NIPBL: variants seen among roughly 807,000 people sequenced by gnomAD.
NIPBL encodes NIPBL cohesin loading factor.
A neutral mutation model predicts 321.8 loss-of-function variants in NIPBL; 19 were observed. The ratio of observed to expected loss-of-function variants is 0.06; its 90% CI spans 0.04 to 0.09. NIPBL has a LOEUF of 0.09. Among genes scored for constraint, NIPBL ranks in the 10% least tolerant of loss-of-function variants. The probability of loss-of-function intolerance (pLI) is 1.00; values close to 1 mark genes in which losing one functional copy is unlikely to be tolerated. For missense variants in NIPBL, 2,210 were observed against 3,327.0 expected, an observed-to-expected ratio of 0.66 and a Z score of 8.26; for synonymous variants, 1,106 against 1,114.1, an observed-to-expected ratio of 0.99 and a Z score of 0.14.
chr5:37,013,963 C>T (rs1254213755), intron 21 of NIPBL, among the ~76,000 whole-genome samples: 3 of 152,228 alleles, frequency 2.0e-5, no homozygotes, highest in South Asian at 2.1e-4. Context: ...CCCAGCACCT[C>T]GGGAGGCCGA....
At chr5:37,044,601 T>C in intron 35 of NIPBL, 35 bp from the exon 36 acceptor site, 1 of 1,590,334 alleles carries the variant, frequency 6.3e-7, no homozygotes. Context: ...TAGTATATTT[T>C]TAACTTTTAT....
At chr5:36,930,739 T>C (rs1749715689) in intron 1 of NIPBL, among the ~76,000 whole-genome samples, 1 of 152,148 alleles carries the variant, frequency 6.6e-6, no homozygotes, top group African/African-American at 2.4e-5. Context: ...TTGAGAGTTT[T>C]AAAAAATAGT....
At chr5:36,989,216 G>GT (rs932131120) in intron 10 of NIPBL, among the ~76,000 whole-genome samples, 2 of 151,974 alleles carry the variant, frequency 1.3e-5, no homozygotes, top group Non-Finnish European at 2.9e-5. Context: ...CAACTACCTA[G>GT]TTTTTTTGTT....
rs746350297 is a variant in NIPBL at position 37,000,799 on chromosome 5, T to A, written c.3503-18T>A. ...GTTGTCAGTCCTGCATTTCAGTACT[T>A]CTTTTTGTTCGTTTTAGTTGCTAGG... On this transcript the variant is annotated intron_variant, in intron 12 of 46. Transcript: ENST00000282516. 4 of 1,594,016 alleles carry A rather than the reference T, an allele frequency of 2.5e-6. No individual in the cohort carries two copies. The highest frequency in any genetic ancestry group is 1.1e-5 in the South Asian group (1 of 90,460).
intron 1 of NIPBL, among the ~76,000 whole-genome samples, chr5:36,935,940 A>G (rs1738371481): frequency 6.6e-6 from 1 of 152,092 alleles, no homozygotes; most frequent in Non-Finnish European, 1.5e-5. Flanking sequence ...GATGTGTGTC[A>G]TTAGATTTAG....
chr5:36,912,936 A>G (rs1423000534), intron 1 of NIPBL, among the ~76,000 whole-genome samples: 4 of 152,138 alleles, frequency 2.6e-5, no homozygotes, highest in African/African-American at 4.8e-5. Flanking sequence ...TCATGAGGGG[A>G]AAAAAATCAA....
At chr5:36,952,525 G>C (rs966418594) in intron 1 of NIPBL, among the ~76,000 whole-genome samples, 2 of 152,104 alleles carry the variant, frequency 1.3e-5, no homozygotes, top group Non-Finnish European at 2.9e-5. Flanking sequence ...ACCAAGTACT[G>C]TTAAAGGAAA....
chr5:36,989,355 A>G (rs1745206270), intron 10 of NIPBL, among the ~76,000 whole-genome samples: 1 of 151,978 alleles, frequency 6.6e-6, no homozygotes, highest in Non-Finnish European at 1.5e-5. Flanking sequence ...TCTTTCCATC[A>G]CCATGTTTAT....
chr5:36,908,061 G>A (rs1018397828), intron 1 of NIPBL, among the ~76,000 whole-genome samples: 5 of 152,150 alleles, frequency 3.3e-5, no homozygotes, highest in Admixed American at 1.3e-4. Context: ...ATTTCTGGTA[G>A]TAGTATGCAT....
chr5:37,030,760 CTTT>C (rs1196942104), intron 32 of NIPBL, among the ~76,000 whole-genome samples: 1 of 144,572 alleles, frequency 6.9e-6, no homozygotes, highest in African/African-American at 2.5e-5. Context: ...GTTAGTATAT[CTTT>C]TTTTTTTTGG....
chr5:36,965,066 T>C (rs771732016), intron 6 of NIPBL, among the ~76,000 whole-genome samples: 28 of 152,174 alleles, frequency 1.8e-4, no homozygotes, highest in Non-Finnish European at 3.8e-4. Flanking sequence ...GGAATCCTCA[T>C]ATACTGTTGG....
chr5:37,063,050 A>G (rs1754942234), intron 45 of NIPBL, among the ~76,000 whole-genome samples: 1 of 152,216 alleles, frequency 6.6e-6, no homozygotes, highest in African/African-American at 2.4e-5. Context: ...ATAAAGTTTT[A>G]TATTTTAATC....
chr5:36,878,219 GTTC>G (rs1257916069), intron 1 of NIPBL, among the ~76,000 whole-genome samples: 3 of 152,198 alleles, frequency 2.0e-5, no homozygotes, highest in Non-Finnish European at 2.9e-5. Flanking sequence ...TGTCAGGGCA[GTTC>G]TTCTTGAGGT....
intron 33 of NIPBL, 38 bp downstream of exon 33, chr5:37,036,525 T>G: frequency 3.5e-6 from 3 of 859,110 alleles, no homozygotes; most frequent in Non-Finnish European, 5.1e-6. Context: ...TTTAGTTGAT[T>G]TTATAAGATA....
chr5:37,013,159 CAGG>C (rs1748406423), intron 21 of NIPBL, among the ~76,000 whole-genome samples: 1 of 148,224 alleles, frequency 6.7e-6, no homozygotes, highest in Admixed American at 6.6e-5. Flanking sequence ...GGCGGCTGGC[CAGG>C]CGGGGGGCTG....
At chr5:36,975,600 CTG>C (rs890713378) in intron 8 of NIPBL, among the ~76,000 whole-genome samples, 174 bp from the exon 9 acceptor site, 6 of 152,254 alleles carry the variant, frequency 3.9e-5, no homozygotes, top group African/African-American at 1.2e-4. Context: ...AGCTAAACAA[CTG>C]TGTGGGACAA....
intron 6 of NIPBL, among the ~76,000 whole-genome samples, chr5:36,968,830 A>C (rs1194952901): frequency 6.6e-6 from 1 of 152,238 alleles, no homozygotes; most frequent in African/African-American, 2.4e-5. Flanking sequence ...CAGCCAATAC[A>C]GGAAGATAAG....
chr5:37,058,753 A>T, intron 43 of NIPBL, 138 bp from the exon 44 acceptor site: 1 of 681,888 alleles, frequency 1.5e-6, no homozygotes, highest in East Asian at 2.7e-5. Context: ...AAGATTACAT[A>T]TCCAGTTGTT....
chr5:37,051,811 C>T lies in NIPBL; in HGVS notation c.6987C>T (p.Asp2329=). The stretch of plus-strand genomic sequence containing the variant: ...CATATTTAATTGCTATGGGCACAGA[C>T]CCAGAACCTGCTATGCGGAACAAGG... The part of the protein sequence containing the change: ...CVPYLIAMGT[D]PEPAMRNKAD... The change falls in exon 41 of 47, where the codon GAC becomes GAT. Residue 2329 remains aspartate (D), a synonymous_variant. Coordinates refer to ENST00000282516, the MANE Select transcript of NIPBL (RefSeq NM_133433.4). 1 of 1,613,370 alleles carries T rather than the reference C, an allele frequency of 6.2e-7. No individual in the cohort carries two copies. The highest frequency in any genetic ancestry group is 8.5e-7 in the Non-Finnish European group (1 of 1,179,772).
Sources: allele counts gnomAD v4.1 joint callset (sites outside exome capture counted in the v4.1 genomes callset), GRCh38; gene constraint gnomAD v4.1.1; transcripts MANE v1.5; gene names NCBI Gene and HGNC (gene_info 2026-07-23, HGNC 2026-07-21).